The following SLC35E3 variants were observed in gnomAD, a reference collection of about 807,000 sequenced individuals.
SLC35E3 encodes solute carrier family 35 member E3, also known as bladder cancer-overexpressed gene 1 protein.
In SLC35E3, 28 loss-of-function variants were observed where a neutral mutation model predicts 30.8. The observed-to-expected ratio is 0.91, with a 90% CI of 0.67 to 1.25. The LOEUF (loss-of-function observed/expected upper bound fraction) is 1.25. Among genes scored for constraint, SLC35E3 ranks in the 50% most tolerant of loss-of-function variants. The probability of loss-of-function intolerance (pLI) is 0.00; values close to 1 mark genes in which losing one functional copy is unlikely to be tolerated. For missense variants in SLC35E3, 365 were observed against 375.4 expected, an observed-to-expected ratio of 0.97 and a Z score of 0.23; for synonymous variants, 146 against 149.2, an observed-to-expected ratio of 0.98 and a Z score of 0.16.
At chr12:68,756,898 T>C (rs1314478323) in intron 3 of SLC35E3, among the ~76,000 whole-genome samples, 1 of 152,140 alleles carries the variant, frequency 6.6e-6, no homozygotes, top group Non-Finnish European at 1.5e-5. Flanking sequence ...GCCTGTAGTC[T>C]CAGCTACTTG....
rs1480635265 is a variant in SLC35E3, at chr12:68,781,249, A to G, written c.*16359A>G. On this transcript the variant is annotated 3_prime_UTR_variant, in exon 5 of 5. Transcript: ENST00000398004. ...ATTTGGCAAAGTATTTGTAATTAGG[A>G]ATATCTGTCATACTGGCACTGGGCA... 6.6e-6 allele frequency: 1 copy of G among 152,196 alleles called. No individual in the cohort carries two copies. Among genetic ancestry groups the G allele is most frequent in the East Asian group, 1.9e-4 (1 of 5,202 alleles). The allele number at this position is 152,196 out of a possible 1,614,324, so 9.4% of individuals were successfully genotyped here.
chr12:68,756,679 T>C (rs2136072942), intron 3 of SLC35E3, among the ~76,000 whole-genome samples: 1 of 152,258 alleles, frequency 6.6e-6, no homozygotes, highest in East Asian at 1.9e-4. Context: ...ATAAATGTGA[T>C]ACACTATGTA....
chr12:68,766,812 T>C lies in SLC35E3; in HGVS notation c.*1922T>C, dbSNP rs1879438517. ...GTTGCTCAGGCTGATCTCAAACTCT[T>C]GAGCTCAAGCCATCTGTCTGCCTCA... is the stretch of plus-strand genomic sequence containing the variant. On this transcript the variant is annotated 3_prime_UTR_variant, in exon 5 of 5. Coordinates refer to ENST00000398004, the MANE Select transcript of SLC35E3 (RefSeq NM_018656.5). 1 of 448,360 alleles carries C rather than the reference T, an allele frequency of 2.2e-6. No individual in the cohort carries two copies. The allele number at this position is 448,360 out of a possible 1,614,324, so 27.8% of individuals were successfully genotyped here.
At position 68,779,237 on chromosome 12, in the gene SLC35E3, G is replaced by A. The variant is rs892537897; in HGVS notation, c.*14347G>A. 9 of 152,234 alleles carry A rather than the reference G, an allele frequency of 5.9e-5. No individual in the cohort carries two copies. The highest frequency in any genetic ancestry group is 1.9e-4 in the African/African-American group (8 of 41,456). The allele number at this position is 152,234 out of a possible 1,614,324, so 9.4% of individuals were successfully genotyped here. On this transcript the variant is annotated 3_prime_UTR_variant, in exon 5 of 5. Coordinates refer to ENST00000398004, the MANE Select transcript of SLC35E3 (RefSeq NM_018656.5). The stretch of plus-strand genomic sequence containing the variant: ...TGGCTCAAGTAATCCTCCTGCCTCA[G>A]CCTCCTGAGTAACTGGGACTATAGG...
intron 4 of SLC35E3, 85 bp downstream of exon 4, chr12:68,759,324 C>G (rs1319177468): frequency 1.1e-6 from 1 of 941,156 alleles, no homozygotes. Context: ...GAATCTCACA[C>G]TAACTATTGC....
At chr12:68,751,429 T>A (rs1411610475) in intron 2 of SLC35E3, among the ~76,000 whole-genome samples, 2 of 152,064 alleles carry the variant, frequency 1.3e-5, no homozygotes, top group African/African-American at 4.8e-5. Flanking sequence ...CCCGAGTAGC[T>A]GGGACCACAG....
intron 2 of SLC35E3, among the ~76,000 whole-genome samples, chr12:68,749,349 C>T (rs1226333873): frequency 6.6e-6 from 1 of 152,146 alleles, no homozygotes; most frequent in African/African-American, 2.4e-5. Flanking sequence ...TGTATCTGCC[C>T]ACAGTATCTT....
At position 68,766,486 on chromosome 12, in the gene SLC35E3, C is replaced by CA. The variant is rs57012731; in HGVS notation, c.*1614dup. The CA allele has an allele frequency of 0.22, 18,341 of 83,280 alleles. 2,109 individuals are homozygous for CA. Among genetic ancestry groups the CA allele is most frequent in the African/African-American group, 0.44 (10,605 of 24,282 alleles). 5.2% of individuals were successfully genotyped at this position (83,280 alleles called of 1,614,324 possible). A position where few individuals can be genotyped will look rare whatever the true frequency, so the allele number is the denominator to read the frequency against. ...GGGCAACAAGAGTGAAACTCCATCT[C>CA]AAAAAAAAAAAAAAAAAATAGCCCT... On this transcript the variant is annotated 3_prime_UTR_variant, in exon 5 of 5. Coordinates refer to ENST00000398004, the MANE Select transcript of SLC35E3 (RefSeq NM_018656.5).
Position 68,766,733 on chromosome 12 carries a change from C to T in SLC35E3, c.*1843C>T, listed in dbSNP as rs141993772. The T allele has an allele frequency of 1.1e-3, 472 of 447,932 alleles. 2 individuals are homozygous for T. Among genetic ancestry groups the T allele is most frequent in the African/African-American group, 8.6e-3 (431 of 49,858 alleles). The allele number at this position is 447,932 out of a possible 1,614,324, so 27.7% of individuals were successfully genotyped here. ...CCCAGTAGCTGGGACTACAGGTGCACACCAACATACCTGGCTGATTTTTAT... is the reference window on the plus strand; with the variant it reads ...CCCAGTAGCTGGGACTACAGGTGCATACCAACATACCTGGCTGATTTTTAT... On this transcript the variant is annotated 3_prime_UTR_variant, in exon 5 of 5. Coordinates refer to ENST00000398004, the MANE Select transcript of SLC35E3 (RefSeq NM_018656.5).
At position 68,774,684 on chromosome 12, in the gene SLC35E3, G is replaced by A. The variant is rs1879690782; in HGVS notation, c.*9794G>A. On this transcript the variant is annotated 3_prime_UTR_variant, in exon 5 of 5. Coordinates refer to ENST00000398004, the MANE Select transcript of SLC35E3 (RefSeq NM_018656.5). ...TCCTGGGAGGTTGAGGCTGCAGTGA[G>A]CCATGATCATGCCACTGCACTATAT... 1 of 151,536 alleles carries A rather than the reference G, an allele frequency of 6.6e-6. No individual in the cohort carries two copies. The highest frequency in any genetic ancestry group is 2.4e-5 in the African/African-American group (1 of 41,128). 9.4% of individuals were successfully genotyped at this position (151,536 alleles called of 1,614,324 possible).
At position 68,775,229 on chromosome 12, in the gene SLC35E3, T is replaced by TG. The variant is rs1455533087; in HGVS notation, c.*10340dup. On this transcript the variant is annotated 3_prime_UTR_variant, in exon 5 of 5. Transcript: ENST00000398004. ...TAAAAAGGGGCAAGAATGGAGGACCTGCTCTGTCTGTCGGACTTTGGAACT... is the reference window on the plus strand; with the variant it reads ...TAAAAAGGGGCAAGAATGGAGGACCTGGCTCTGTCTGTCGGACTTTGGAACT... 1.3e-5 allele frequency: 2 copies of TG among 152,356 alleles called. No homozygotes were observed. The highest frequency in any genetic ancestry group is 1.9e-4 in the East Asian group (1 of 5,178). 9.4% of individuals were successfully genotyped at this position (152,356 alleles called of 1,614,324 possible). A position where few individuals can be genotyped will look rare whatever the true frequency, so the allele number is the denominator to read the frequency against.
intron 2 of SLC35E3, 89 bp downstream of exon 2, chr12:68,748,129 A>T: frequency 1.4e-6 from 1 of 736,536 alleles, no homozygotes; most frequent in Non-Finnish European, 2.4e-6. Flanking sequence ...TACAGTATAG[A>T]GACAATAGAC....
At chr12:68,762,485 T>G (rs1170864112) in intron 4 of SLC35E3, among the ~76,000 whole-genome samples, 1 of 151,912 alleles carries the variant, frequency 6.6e-6, no homozygotes, top group Non-Finnish European at 1.5e-5. Flanking sequence ...CTGAGTGAGG[T>G]GGAGGGCACT....
chr12:68,746,352 T>C lies in SLC35E3; in HGVS notation c.-26T>C. On this transcript the variant is annotated 5_prime_UTR_variant, in exon 1 of 5. Coordinates refer to ENST00000398004, the MANE Select transcript of SLC35E3 (RefSeq NM_018656.5). ...ACAGGCCCGGCGCCCCTTCCGAGGC[T>C]AGACGGCCCCAGCTTCGCGGGGATC... 1.9e-6 allele frequency: 3 copies of C among 1,540,068 alleles called. No homozygotes were observed. Among genetic ancestry groups the C allele is most frequent in the East Asian group, 2.3e-5 (1 of 44,276 alleles).
chr12:68,748,598 G>A (rs1878683978), intron 2 of SLC35E3, among the ~76,000 whole-genome samples: 1 of 152,056 alleles, frequency 6.6e-6, no homozygotes, highest in Non-Finnish European at 1.5e-5. Context: ...TGCAAGCGCA[G>A]TGCCTTGCCT....
In SLC35E3 at chr12:68,746,287, T is replaced by G; in HGVS notation, c.-91T>G. Reference sequence around the variant, plus strand: ...CCTGGGTCAGACGGTGAGGTCGGCGTCTGCGAGGACGCGGCGGTGGAGTAG... The same window carrying G: ...CCTGGGTCAGACGGTGAGGTCGGCGGCTGCGAGGACGCGGCGGTGGAGTAG... On this transcript the variant is annotated 5_prime_UTR_variant, in exon 1 of 5. Coordinates refer to ENST00000398004, the MANE Select transcript of SLC35E3 (RefSeq NM_018656.5). 1 of 1,313,748 alleles carries G rather than the reference T, an allele frequency of 7.6e-7. No homozygotes were observed. Among genetic ancestry groups the G allele is most frequent in the Non-Finnish European group, 1.0e-6 (1 of 967,848 alleles). 81.4% of individuals were successfully genotyped at this position (1,313,748 alleles called of 1,614,324 possible).
In SLC35E3 at chr12:68,781,467, CA is replaced by C. The variant is rs201944882; in HGVS notation, c.*16578del. 6.6e-6 allele frequency: 1 copy of C among 152,226 alleles called. No homozygotes were observed. The highest frequency in any genetic ancestry group is 2.4e-5 in the African/African-American group (1 of 41,450). The allele number at this position is 152,226 out of a possible 1,614,324, so 9.4% of individuals were successfully genotyped here. ...CTAATAATAAACCAATACAGTGCTA[CA>C]GAGATGTTTCTTTCATTAATGTGTT... is the stretch of plus-strand genomic sequence containing the variant. On this transcript the variant is annotated 3_prime_UTR_variant, in exon 5 of 5. Transcript: ENST00000398004.
At chr12:68,749,863 G>A (rs112449733) in intron 2 of SLC35E3, among the ~76,000 whole-genome samples, 2 of 152,158 alleles carry the variant, frequency 1.3e-5, no homozygotes, top group African/African-American at 2.4e-5. Context: ...TGTCAGGGTC[G>A]TGAAGCCATG....
intron 3 of SLC35E3, among the ~76,000 whole-genome samples, chr12:68,756,301 TAAAA>T (rs34141831): frequency 8.5e-6 from 1 of 117,160 alleles, no homozygotes; most frequent in South Asian, 2.9e-4. Flanking sequence ...GAAAAGCCAT[TAAAA>T]AAAAAAAAAA....
Sources: allele counts gnomAD v4.1 joint callset (sites outside exome capture counted in the v4.1 genomes callset), GRCh38; gene constraint gnomAD v4.1.1; transcripts MANE v1.5; gene names NCBI Gene and HGNC (gene_info 2026-07-23, HGNC 2026-07-21).